CLIC5: variants seen among roughly 807,000 people sequenced by gnomAD.
CLIC5 encodes chloride intracellular channel protein 5.
CLIC5 carries 20 observed loss-of-function variants against 24.7 expected under a neutral mutation model. The observed-to-expected ratio is 0.81, with a 90% CI of 0.57 to 1.18. The LOEUF is 1.18. Among genes scored for constraint, CLIC5 ranks in the 50% most tolerant of loss-of-function variants. The pLI, the probability that CLIC5 is intolerant of heterozygous loss-of-function variation, is 0.00. For synonymous variants in CLIC5, 159 were observed against 135.6 expected, an observed-to-expected ratio of 1.17 and a Z score of -1.20; for missense variants, 341 against 326.1, an observed-to-expected ratio of 1.05 and a Z score of -0.35.
chr6:46,116,056 C>T, the CLIC5 span, among the ~76,000 whole-genome samples: 2 of 152,118 alleles, frequency 1.3e-5, no homozygotes, highest in Admixed American at 6.5e-5. Context: ...GGGGCCCTGA[C>T]CCCATTGGTA....
At chr6:46,024,385 T>A (rs920782788) in intron 1 of CLIC5, among the ~76,000 whole-genome samples, 1 of 152,194 alleles carries the variant, frequency 6.6e-6, no homozygotes, top group Non-Finnish European at 1.5e-5. Flanking sequence ...TGGGATCCAA[T>A]GAGATTCAAT....
chr6:45,944,574 AT>A (rs761318335), intron 3 of CLIC5, among the ~76,000 whole-genome samples: 6,010 of 141,198 alleles, frequency 0.043, 221 homozygotes, highest in East Asian at 0.21. Flanking sequence ...AAAAAAAAAA[AT>A]TTTTCAAAAG....
At chr6:46,080,314 G>A (rs774105312) in exon 1 of CLIC5, 12 of 1,309,108 alleles carry the variant, frequency 9.2e-6, no homozygotes, top group Non-Finnish European at 1.0e-5. Flanking sequence ...GACAGAGGAT[G>A]CTGCACCACC....
At chr6:46,095,008 C>A in the CLIC5 span, among the ~76,000 whole-genome samples, 1 of 152,236 alleles carries the variant, frequency 6.6e-6, no homozygotes, top group South Asian at 2.1e-4. Context: ...AGACTTAACA[C>A]CACGTGGATG....
chr6:46,084,404 G>A (rs1371985169), upstream of CLIC5, among the ~76,000 whole-genome samples: 4 of 152,184 alleles, frequency 2.6e-5, no homozygotes, highest in Non-Finnish European at 5.9e-5. Context: ...TTTTGCAGTG[G>A]CTGGTAGCAG....
In CLIC5 at chr6:45,914,333, G is replaced by A. The variant is rs146052023; in HGVS notation, c.483C>T (p.Asp161=). 2.7e-5 allele frequency: 44 copies of A among 1,609,766 alleles called. No homozygotes were observed. Among genetic ancestry groups the A allele is most frequent in the Admixed American group, 2.3e-4 (14 of 59,880 alleles). ...YLNTPLPEEI[D]ANTCGEDKGS... is the part of the protein sequence containing the mutation. ...CCTTGTCTTCCCCACAAGTGTTGGC[G>A]TCAATCTCCTCTGGTAGAGGGGTGT... Residue 161 remains aspartate, a synonymous_variant, in exon 5 of 6, where the codon GAC becomes GAT. Coordinates refer to ENST00000339561, the MANE Select transcript of CLIC5 (RefSeq NM_016929.5).
chr6:45,894,540 A>G (rs1314085141), downstream of CLIC5, among the ~76,000 whole-genome samples: 2 of 152,268 alleles, frequency 1.3e-5, no homozygotes, highest in African/African-American at 2.4e-5. Flanking sequence ...CATGAAAAAA[A>G]TCCCATTAAC....
intron 4 of CLIC5, among the ~76,000 whole-genome samples, chr6:45,927,255 A>G (rs1185438906): frequency 6.6e-6 from 1 of 152,134 alleles, no homozygotes; most frequent in African/African-American, 2.4e-5. Context: ...TGAAGGAGGC[A>G]CACCCAGCAT....
chr6:45,899,542 T>G lies in CLIC5; in HGVS notation c.*3546A>C, dbSNP rs556204674. On this transcript the variant is annotated 3_prime_UTR_variant, in exon 6 of 6. Transcript: ENST00000339561. Reference sequence around the variant, plus strand: ...TTTACAAGATAGACCCGCAGCTTCCTGCCTCTGCCTCTCTCTTAGTTCTAT... The same window carrying G: ...TTTACAAGATAGACCCGCAGCTTCCGGCCTCTGCCTCTCTCTTAGTTCTAT... 1 of 152,448 alleles carries G rather than the reference T, an allele frequency of 6.6e-6. No individual in the cohort carries two copies. The highest frequency in any genetic ancestry group is 2.1e-4 in the South Asian group (1 of 4,826). 9.4% of individuals were successfully genotyped at this position (152,448 alleles called of 1,614,324 possible).
chr6:46,010,903 G>A (rs543867188), intron 1 of CLIC5, among the ~76,000 whole-genome samples: 18 of 152,292 alleles, frequency 1.2e-4, no homozygotes, highest in Non-Finnish European at 2.2e-4. Context: ...AAAACCTAGT[G>A]AGCTCATGCT....
At chr6:45,894,167 A>C (rs1258515186), downstream of CLIC5, among the ~76,000 whole-genome samples, 1 of 152,260 alleles carries the variant, frequency 6.6e-6, no homozygotes, top group African/African-American at 2.4e-5. Context: ...TCACTTATCA[A>C]TTTGAGTAGA....
intron 1 of CLIC5, among the ~76,000 whole-genome samples, chr6:45,959,873 C>T (rs1041008622): frequency 5.3e-5 from 8 of 152,164 alleles, no homozygotes; most frequent in African/African-American, 1.9e-4. Flanking sequence ...GAGATTTAAT[C>T]ACATTATATA....
the CLIC5 span, among the ~76,000 whole-genome samples, chr6:46,100,430 T>A: frequency 6.6e-6 from 1 of 152,352 alleles, no homozygotes; most frequent in East Asian, 1.9e-4. Flanking sequence ...GCCCTGGGGC[T>A]GCTTGCACCT....
intron 1 of CLIC5, among the ~76,000 whole-genome samples, chr6:46,059,808 G>A (rs115814292): frequency 6.6e-6 from 1 of 150,984 alleles, no homozygotes; most frequent in African/African-American, 2.4e-5. Flanking sequence ...GAGTGAGGAA[G>A]TGGAAGTATA....
the CLIC5 span, among the ~76,000 whole-genome samples, chr6:46,104,960 T>C: frequency 3.3e-5 from 5 of 152,216 alleles, no homozygotes; most frequent in Admixed American, 2.6e-4. Flanking sequence ...GTTTGATTCC[T>C]GGTCAGGGAA....
chr6:45,955,410 G>T (rs531003174), intron 1 of CLIC5, among the ~76,000 whole-genome samples, 166 bp from the exon 2 acceptor site: 1 of 152,228 alleles, frequency 6.6e-6, no homozygotes, highest in Non-Finnish European at 1.5e-5. Flanking sequence ...TAATGTCCAC[G>T]CAGGGCAATG....
At chr6:46,030,129 G>A (rs1369287253) in intron 1 of CLIC5, among the ~76,000 whole-genome samples, 1 of 152,096 alleles carries the variant, frequency 6.6e-6, no homozygotes, top group African/African-American at 2.4e-5. Context: ...TGTCTGCCGA[G>A]AACCTCCCTT....
chr6:46,016,787 C>T (rs1581867459), upstream of CLIC5, among the ~76,000 whole-genome samples: 1 of 152,198 alleles, frequency 6.6e-6, no homozygotes, highest in African/African-American at 2.4e-5. Flanking sequence ...CCCAGGGTAA[C>T]CATTATTCTG....
At chr6:45,967,991 A>T (rs916958225) in intron 1 of CLIC5, among the ~76,000 whole-genome samples, 3 of 152,168 alleles carry the variant, frequency 2.0e-5, no homozygotes, top group Non-Finnish European at 2.9e-5. Flanking sequence ...ACACACATTC[A>T]AACCATATCA....
Sources: gnomAD v4.1 joint callset for allele counts (sites outside exome capture counted in the v4.1 genomes callset) on GRCh38, gnomAD v4.1.1 for gene constraint, MANE v1.5 for transcripts, NCBI Gene and HGNC (gene_info 2026-07-23, HGNC 2026-07-21) for gene names.